Variants in NPIPB4 observed in about 807,000 individuals in gnomAD.
NPIPB4 encodes nuclear pore complex interacting protein family member B4, also known as nuclear pore complex-interacting protein family member B4.
For synonymous variants in NPIPB4, 31 were observed against 194.1 expected (o/e 0.16, Z 6.99); for missense variants, 105 against 513.7 (o/e 0.20, Z 7.69).
At chr16:21,853,671 G>C (rs1902647466) in intron 2 of NPIPB4, among the ~76,000 whole-genome samples, 1 of 69,198 alleles carries the variant, frequency 1.4e-5, no homozygotes, top group East Asian at 3.1e-4. Flanking sequence ...CTAGATTTCG[G>C]TTGTGGTGGT....
intron 2 of NPIPB4, among the ~76,000 whole-genome samples, chr16:21,849,995 T>TA (rs1902346561): frequency 5.8e-5 from 1 of 17,112 alleles, no homozygotes; most frequent in Admixed American, 6.2e-4. Flanking sequence ...GGCATGGTGG[T>TA]TCACGCCTGT....
intron 2 of NPIPB4, among the ~76,000 whole-genome samples, chr16:21,850,281 A>T (rs922658872): frequency 1.3e-5 from 2 of 148,542 alleles, no homozygotes; most frequent in African/African-American, 4.9e-5. Flanking sequence ...ATAAATAAAT[A>T]AAATAATGTA....
intron 2 of NPIPB4, among the ~76,000 whole-genome samples, chr16:21,850,408 T>G (rs1295784329): frequency 6.6e-6 from 1 of 151,494 alleles, no homozygotes; most frequent in Non-Finnish European, 1.5e-5. Context: ...ATCCCAGCAC[T>G]GGGAGGCTGA....
intron 5 of NPIPB4, among the ~76,000 whole-genome samples, chr16:21,843,114 C>T (rs1354965287): frequency 9.0e-6 from 1 of 110,794 alleles, no homozygotes; most frequent in African/African-American, 3.4e-5. Flanking sequence ...AACAGCAAAG[C>T]TCCATCTCAG....
At chr16:21,851,370 TGGA>T (rs1567445733) in intron 2 of NPIPB4, 205 of 49,838 alleles carry the variant, frequency 4.1e-3, no homozygotes, top group East Asian at 7.1e-3. Flanking sequence ...CTGGAGGAGG[TGGA>T]GGAGGAGGAG....
At chr16:21,850,473 AC>A (rs2141877471) in intron 2 of NPIPB4, among the ~76,000 whole-genome samples, 2 of 152,120 alleles carry the variant, frequency 1.3e-5, no homozygotes, top group East Asian at 1.9e-4. Flanking sequence ...ACATGGTGAA[AC>A]CCCATCTCTA....
At chr16:21,851,873 TAAA>T (rs1567445924) in intron 2 of NPIPB4, 1 of 887,984 alleles carries the variant, frequency 1.1e-6, no homozygotes, top group African/African-American at 1.7e-5. Flanking sequence ...CGACAAAACA[TAAA>T]AAACAAATGA....
chr16:21,850,194 G>C (rs956019452), intron 2 of NPIPB4, among the ~76,000 whole-genome samples: 4 of 140,504 alleles, frequency 2.8e-5, no homozygotes, highest in East Asian at 4.1e-4. Context: ...CTGGGAAGCA[G>C]AGGTTGCGGT....
In NPIPB4 at chr16:21,836,525, G is replaced by A; in HGVS notation, c.1862C>T (p.Pro621Leu). Residue 621 changes from proline (P) to leucine (L), a missense_variant, in exon 8 of 8, where the codon CCT becomes CTT. Transcript: ENST00000682606. ...PPSADDNIKTPAFHPQRMIIS... is the reference protein window; with the variant it reads ...PPSADDNIKTLAFHPQRMIIS... ...TATCATCCGCTGAGGGTGGAAGGCA[G>A]GTGTCTTGATGTTATCATCTGCTGA... The A allele has an allele frequency of 6.9e-7, 1 of 1,444,454 alleles. No individual in the cohort carries two copies. Among genetic ancestry groups the A allele is most frequent in the Admixed American group, 2.1e-5 (1 of 47,258 alleles). 89.5% of individuals were successfully genotyped at this position (1,444,454 alleles called of 1,614,324 possible).
intron 5 of NPIPB4, among the ~76,000 whole-genome samples, chr16:21,842,753 AG>A (rs1901904700): frequency 6.6e-5 from 1 of 15,066 alleles, no homozygotes; most frequent in Non-Finnish European, 1.2e-4. Context: ...TGGGAGGCAG[AG>A]GTTGCAGTGA....
chr16:21,840,457 A>G (rs1901668246), intron 5 of NPIPB4, among the ~76,000 whole-genome samples: 2 of 147,366 alleles, frequency 1.4e-5, no homozygotes, highest in Admixed American at 1.4e-4. Context: ...AAATGCACAC[A>G]CATGATCCAC....
chr16:21,850,669 C>CTA (rs1902447096), intron 2 of NPIPB4, among the ~76,000 whole-genome samples: 2 of 2,036 alleles, frequency 9.8e-4, no homozygotes, highest in African/African-American at 9.5e-3. Context: ...GAGACTCTGT[C>CTA]TAAAAAAAAA....
Position 21,835,890 on chromosome 16 carries a change from G to A in NPIPB4, c.2497C>T (p.Leu833=). ...GCTGAGGGTGGAAGCGGCCCCCGCA[G>A]ACGCTCCCCGCAGACGCTCGGCAGG... ...RHLPSVCGER[L]RGPLPPSADD... is the part of the protein sequence containing the mutation. Residue 833 remains leucine, a synonymous_variant, in exon 8 of 8, where the codon CTG becomes TTG. Coordinates refer to ENST00000682606, the MANE Select transcript of NPIPB4 (RefSeq NM_001384980.1). 8.5e-7 allele frequency: 1 copy of A among 1,173,332 alleles called. No homozygotes were observed. The highest frequency in any genetic ancestry group is 2.8e-5 in the East Asian group (1 of 35,100). 72.7% of individuals were successfully genotyped at this position (1,173,332 alleles called of 1,614,324 possible).
At chr16:21,850,468 G>A (rs1370853634) in intron 2 of NPIPB4, among the ~76,000 whole-genome samples, 1 of 152,006 alleles carries the variant, frequency 6.6e-6, no homozygotes, top group East Asian at 1.9e-4. Context: ...GGCGAACATG[G>A]TGAAACCCCA....
intron 2 of NPIPB4, among the ~76,000 whole-genome samples, chr16:21,850,386 C>T (rs1289482468): frequency 1.3e-5 from 2 of 151,350 alleles, no homozygotes; most frequent in Admixed American, 6.6e-5. Context: ...GGCGCGGTGG[C>T]TCACGCCTGT....
chr16:21,837,340 G>A lies in NPIPB4; in HGVS notation c.1047C>T (p.Pro349=). The A allele has an allele frequency of 7.5e-7, 1 of 1,328,708 alleles. No homozygotes were observed. Among genetic ancestry groups the A allele is most frequent in the Non-Finnish European group, 9.4e-7 (1 of 1,059,612 alleles). The allele number at this position is 1,328,708 out of a possible 1,614,324, so 82.3% of individuals were successfully genotyped here. The part of the protein sequence containing the change: ...LKTPPECLLT[P]LPPSALPSAP... The stretch of plus-strand genomic sequence containing the variant: ...CTGAGGGTAGAGCTGAGGGTGGAAG[G>A]GGAGTGAGCAGACACTCGGGAGGTG... The change falls in exon 8 of 8, where the codon CCC becomes CCT. Residue 349 remains proline, a synonymous_variant. Coordinates refer to ENST00000682606, the MANE Select transcript of NPIPB4 (RefSeq NM_001384980.1).
At position 21,847,663 on chromosome 16, in the gene NPIPB4, ACC is replaced by A. The variant is rs1169519854; in HGVS notation, c.121-124_121-123del. ...AAGGTAACCACATCCCTCAGATATC[ACC>A]GTGGGATTCCACTGCTACAAAAAAG... is the stretch of plus-strand genomic sequence containing the variant. On this transcript the variant is annotated intron_variant, in intron 2 of 7. Coordinates refer to ENST00000682606, the MANE Select transcript of NPIPB4 (RefSeq NM_001384980.1). 174 of 828,270 alleles carry A rather than the reference ACC, an allele frequency of 2.1e-4. 2 individuals carry two copies. The highest frequency in any genetic ancestry group is 8.1e-4 in the Admixed American group (28 of 34,578). The allele number at this position is 828,270 out of a possible 1,614,324, so 51.3% of individuals were successfully genotyped here.
In NPIPB4 at chr16:21,836,522, G is replaced by A. The variant is rs560831105; in HGVS notation, c.1865C>T (p.Ala622Val). 3 of 1,415,500 alleles carry A rather than the reference G, an allele frequency of 2.1e-6. No homozygotes were observed. Among genetic ancestry groups the A allele is most frequent in the Non-Finnish European group, 2.8e-6 (3 of 1,077,118 alleles). The allele number at this position is 1,415,500 out of a possible 1,614,324, so 87.7% of individuals were successfully genotyped here. ...GATTATCATCCGCTGAGGGTGGAAGGCAGGTGTCTTGATGTTATCATCTGC... is the reference window on the plus strand; with the variant it reads ...GATTATCATCCGCTGAGGGTGGAAGACAGGTGTCTTGATGTTATCATCTGC... ...PSADDNIKTP[A>V]FHPQRMIISR... Residue 622 changes from alanine to valine, a missense_variant, in exon 8 of 8, where the codon GCC becomes GTC. Transcript: ENST00000682606.
intron 2 of NPIPB4, among the ~76,000 whole-genome samples, chr16:21,848,195 TTTG>T (rs1236856462): frequency 2.2e-5 from 3 of 139,052 alleles, no homozygotes; most frequent in Non-Finnish European, 4.7e-5. Context: ...CAGCCATTTT[TTTG>T]TTTTTGTTTT....
Sources: gnomAD v4.1 joint callset for allele counts (sites outside exome capture counted in the v4.1 genomes callset) on GRCh38, gnomAD v4.1.1 for gene constraint, MANE v1.5 for transcripts, NCBI Gene and HGNC (gene_info 2026-07-23, HGNC 2026-07-21) for gene names.